PKHD1L1: variants seen among roughly 807,000 people sequenced by gnomAD.
The protein encoded by PKHD1L1 is fibrocystin-L.
In PKHD1L1, 434 loss-of-function variants were observed where a neutral mutation model predicts 462.9. The observed-to-expected ratio is 0.94, with a 90% CI of 0.87 to 1.02. The LOEUF is 1.02. Among genes scored for constraint, PKHD1L1 ranks in the 50% least tolerant of loss-of-function variants. The probability of loss-of-function intolerance (pLI) is 0.00; values close to 1 mark genes in which losing one functional copy is unlikely to be tolerated. For synonymous variants in PKHD1L1, 1,781 were observed against 1,750.0 expected, an observed-to-expected ratio of 1.02 and a Z score of -0.44; for missense variants, 5,202 against 5,096.1, an observed-to-expected ratio of 1.02 and a Z score of -0.63.
chr8:109,401,210 GT>G (rs1478178448), intron 13 of PKHD1L1, among the ~76,000 whole-genome samples: 1 of 151,998 alleles, frequency 6.6e-6, no homozygotes, highest in African/African-American at 2.4e-5. Flanking sequence ...TATCTTCTTA[GT>G]TTCCACTGCA....
At chr8:109,387,771 AT>A (rs561487597) in intron 6 of PKHD1L1, among the ~76,000 whole-genome samples, 1 of 152,108 alleles carries the variant, frequency 6.6e-6, no homozygotes, top group African/African-American at 2.4e-5. Context: ...AAAAGTCCTT[AT>A]TTTTTATAGT....
chr8:109,403,373 G>A (rs1371009946), intron 14 of PKHD1L1, among the ~76,000 whole-genome samples: 1 of 152,008 alleles, frequency 6.6e-6, no homozygotes, highest in African/African-American at 2.4e-5. Flanking sequence ...TCAGTTACTA[G>A]TTTAAAAAAT....
chr8:109,390,417 A>T, intron 8 of PKHD1L1, 35 bp from the exon 9 acceptor site: 1 of 1,255,930 alleles, frequency 8.0e-7, no homozygotes, highest in Non-Finnish European at 1.1e-6. Context: ...TGTGACTGGG[A>T]ATTTAATTGA....
chr8:109,521,401 C>A (rs1820545284), intron 73 of PKHD1L1, among the ~76,000 whole-genome samples: 1 of 152,092 alleles, frequency 6.6e-6, no homozygotes, highest in Admixed American at 6.5e-5. Context: ...ACTCCAGAGG[C>A]CAGTTTAAAA....
chr8:109,475,081 G>C, intron 50 of PKHD1L1, 37 bp from the exon 51 acceptor site: 1 of 1,542,130 alleles, frequency 6.5e-7, no homozygotes, highest in Non-Finnish European at 8.7e-7. Flanking sequence ...TAGAGGTAGA[G>C]ATTACTATTA....
At chr8:109,376,023 A>G (rs773676169) in intron 2 of PKHD1L1, among the ~76,000 whole-genome samples, 11 of 152,188 alleles carry the variant, frequency 7.2e-5, no homozygotes, top group Non-Finnish European at 1.6e-4. Flanking sequence ...TACTCTCTTC[A>G]AAGCTGTCAG....
chr8:109,512,045 T>A lies in PKHD1L1; in HGVS notation c.11553+1111T>A, dbSNP rs539729942. The stretch of plus-strand genomic sequence containing the variant: ...TTGCCCACTTTTTGATGGGGTTGTT[T>A]GTTTTTTTCTTGTAAATTTGTTTGA... On this transcript the variant is annotated intron_variant, in intron 71 of 77. Coordinates refer to ENST00000378402, the MANE Select transcript of PKHD1L1 (RefSeq NM_177531.6). Among the ~76,000 whole-genome samples the A allele has an allele frequency of 6.5e-3, 993 of 152,260 alleles. 14 individuals are homozygous for A. The highest frequency in any genetic ancestry group is 0.023 in the African/African-American group (955 of 41,566).
At chr8:109,452,417 G>A in intron 42 of PKHD1L1, 137 bp downstream of exon 42, 1 of 871,672 alleles carries the variant, frequency 1.1e-6, no homozygotes, top group Non-Finnish European at 1.5e-6. Flanking sequence ...ATCTAAAGTA[G>A]CTTACATTTT....
At chr8:109,393,565 T>A (rs1385535749) in intron 9 of PKHD1L1, among the ~76,000 whole-genome samples, 1 of 152,166 alleles carries the variant, frequency 6.6e-6, no homozygotes, top group Non-Finnish European at 1.5e-5. Context: ...GTCACACACA[T>A]TAGTGGGCAG....
chr8:109,467,339 C>T (rs773376412), intron 50 of PKHD1L1, among the ~76,000 whole-genome samples: 2 of 152,132 alleles, frequency 1.3e-5, no homozygotes, highest in Non-Finnish European at 2.9e-5. Flanking sequence ...CTGAATCTCA[C>T]GTTTCTTAAA....
chr8:109,498,948 G>A (rs1819263840), intron 67 of PKHD1L1, 177 bp downstream of exon 67: 1 of 619,552 alleles, frequency 1.6e-6, no homozygotes, highest in South Asian at 2.1e-5. Flanking sequence ...TTTCTTGGCA[G>A]GATTCTTATA....
In PKHD1L1 at chr8:109,438,448, C is replaced by G. The variant is rs912378806; in HGVS notation, c.3752C>G (p.Thr1251Arg). Reference sequence around the variant, plus strand: ...ACTGATTTTAGTCCAAAAGTACGAACAATACTAGGTAAGAAATTCTTCAAT... The same window carrying G: ...ACTGATTTTAGTCCAAAAGTACGAAGAATACTAGGTAAGAAATTCTTCAAT... ...IITDFSPKVRTILGEVNLTIK... is the reference protein window; with the variant it reads ...IITDFSPKVRRILGEVNLTIK... Residue 1251 changes from threonine (T) to arginine (R), a missense_variant, in exon 31 of 78, where the codon ACA becomes AGA. Thr to Arg is a moderately conservative substitution (Grantham distance 71). Around this residue, in one of 3 missense-constraint regions of PKHD1L1, gnomAD observed 4,497 missense variants for 4,336.8 expected, o/e 1.04. Transcript: ENST00000378402. 1 of 1,539,410 alleles carries G rather than the reference C, an allele frequency of 6.5e-7. No individual in the cohort carries two copies. Among genetic ancestry groups the G allele is most frequent in the East Asian group, 2.5e-5 (1 of 40,790 alleles).
chr8:109,423,671 T>C (rs72684799), intron 23 of PKHD1L1, among the ~76,000 whole-genome samples: 22,519 of 152,204 alleles, frequency 0.15, 2,163 homozygotes, highest in South Asian at 0.29. Flanking sequence ...ACCTTGCTGG[T>C]ATTTTGACAA....
intron 14 of PKHD1L1, among the ~76,000 whole-genome samples, chr8:109,404,350 A>C (rs1813418908): frequency 6.6e-6 from 1 of 152,176 alleles, no homozygotes; most frequent in Non-Finnish European, 1.5e-5. Flanking sequence ...CTTTCTACTA[A>C]TGCAGATATC....
chr8:109,382,910 G>A (rs1478490319), intron 4 of PKHD1L1, among the ~76,000 whole-genome samples: 1 of 148,762 alleles, frequency 6.7e-6, no homozygotes, highest in Non-Finnish European at 1.5e-5. Flanking sequence ...TCCTTTCTAC[G>A]TAATTTCTAA....
At position 109,523,351 on chromosome 8, in the gene PKHD1L1, G is replaced by A. The variant is rs757898703; in HGVS notation, c.12449G>A (p.Trp4150Ter). The A allele has an allele frequency of 6.2e-6, 10 of 1,612,980 alleles. No individual in the cohort carries two copies. Among genetic ancestry groups the A allele is most frequent in the Non-Finnish European group, 8.5e-6 (10 of 1,179,484 alleles). The change falls in exon 76 of 78, where the codon TGG (tryptophan) becomes TAG (stop). Residue 4150 changes from tryptophan to a stop codon, truncating the protein, a stop_gained. Coordinates refer to ENST00000378402, the MANE Select transcript of PKHD1L1 (RefSeq NM_177531.6). LOFTEE classifies it high-confidence loss of function. ...ACAACAATTCCGTTTAGCAGCTGTT[G>A]GGCCAACTACACAGACCTTACTCCC... Reference protein sequence around the residue: ...GNTTIPFSSCWANYTDLTPLR... With the variant: ...GNTTIPFSSC
chr8:109,478,805 T>G (rs1329599956), intron 53 of PKHD1L1, among the ~76,000 whole-genome samples: 1 of 152,158 alleles, frequency 6.6e-6, no homozygotes, highest in African/African-American at 2.4e-5. Context: ...TGCCATGGTA[T>G]AGTTTTTCTT....
intron 36 of PKHD1L1, among the ~76,000 whole-genome samples, chr8:109,443,344 G>A (rs762975933): frequency 2.0e-5 from 3 of 152,134 alleles, no homozygotes; most frequent in Admixed American, 6.6e-5. Flanking sequence ...TGCTTCCAAT[G>A]AGAAGTAATG....
intron 23 of PKHD1L1, among the ~76,000 whole-genome samples, chr8:109,423,145 G>A (rs923872075): frequency 3.3e-5 from 5 of 152,048 alleles, no homozygotes; most frequent in East Asian, 3.9e-4. Flanking sequence ...AAAATTTTAT[G>A]AGGCCAAATT....
Sources: allele counts gnomAD v4.1 joint callset (sites outside exome capture counted in the v4.1 genomes callset), GRCh38; gene constraint gnomAD v4.1.1; regional missense constraint gnomAD v4.1.1; transcripts MANE v1.5; gene names NCBI Gene and HGNC (gene_info 2026-07-23, HGNC 2026-07-21).